SEC14L6: variants seen among roughly 807,000 people sequenced by gnomAD.
SEC14L6 encodes SEC14-like protein 6.
SEC14L6 carries 40 observed loss-of-function variants against 54.1 expected under a neutral mutation model. That is an observed-to-expected ratio of 0.74 (90% CI 0.57 to 0.96). The LOEUF (loss-of-function observed/expected upper bound fraction) is 0.96, where lower values mean the gene tolerates loss of function less well. Among genes scored for constraint, SEC14L6 ranks in the 40% least tolerant of loss-of-function variants. SEC14L6 has a pLI of 0.00. For missense variants in SEC14L6, 471 were observed against 498.3 expected, an observed-to-expected ratio of 0.95 and a Z score of 0.52; for synonymous variants, 171 against 198.4, an observed-to-expected ratio of 0.86 and a Z score of 1.16.
intron 1 of SEC14L6, among the ~76,000 whole-genome samples, chr22:30,545,723 A>G (rs2085791945): frequency 6.6e-6 from 1 of 152,190 alleles, no homozygotes; most frequent in Non-Finnish European, 1.5e-5. Context: ...ACTGCACCAG[A>G]CCAGTTGTTT....
rs1183838489 is a variant in SEC14L6, at chr22:30,532,428, G to C, written c.423+97C>G. 3.9e-5 allele frequency: 53 copies of C among 1,355,290 alleles called. No individual in the cohort carries two copies. In the East Asian group the frequency reaches 1.3e-3, roughly 33 times the overall value. 84.0% of individuals were successfully genotyped at this position (1,355,290 alleles called of 1,614,324 possible). On this transcript the variant is annotated intron_variant, in intron 5 of 11. Coordinates refer to ENST00000402034, the MANE Select transcript of SEC14L6 (RefSeq NM_001193336.4). The stretch of plus-strand genomic sequence containing the variant: ...ACTCCACAGTACCAGGAGGAGCCGA[G>C]GAGCCCAGGAGCCCAGGAAGGCAGA...
intron 1 of SEC14L6, among the ~76,000 whole-genome samples, chr22:30,546,362 A>G (rs1198424254): frequency 3.3e-5 from 5 of 149,664 alleles, no homozygotes; most frequent in Non-Finnish European, 7.4e-5. Context: ...CAACCTGGGC[A>G]ACAAGAGCGA....
intron 1 of SEC14L6, among the ~76,000 whole-genome samples, chr22:30,545,802 G>T (rs1038016466): frequency 2.0e-5 from 3 of 151,206 alleles, no homozygotes; most frequent in Non-Finnish European, 3.0e-5. Flanking sequence ...TTCTTTTTAG[G>T]TTTTTTTTGT....
rs1936762815 is a variant in SEC14L6, at chr22:30,525,900, T to G, written c.697A>C (p.Ser233Arg). 6.2e-7 allele frequency: 1 copy of G among 1,612,496 alleles called. No homozygotes were observed. The highest frequency in any genetic ancestry group is 2.2e-5 in the East Asian group (1 of 44,870). ...NWKQELTKFI[S>R]PDQLPVEFGG... ...AACTCCACGGGCAGCTGGTCGGGGC[T>G]GATGAATTTTGTCAGCTCCTGCTTC... The change falls in exon 9 of 12, where the codon AGC becomes CGC. Residue 233 changes from serine to arginine, a missense_variant. Transcript: ENST00000402034.
intron 8 of SEC14L6, among the ~76,000 whole-genome samples, chr22:30,526,337 C>T (rs771363299): frequency 6.6e-6 from 1 of 152,234 alleles, no homozygotes; most frequent in Non-Finnish European, 1.5e-5. Flanking sequence ...TGGTCAGATA[C>T]TGCCCTCAGC....
rs550489218 is a variant in SEC14L6, at chr22:30,544,209, G to T, written c.54+2420C>A. The T allele has an allele frequency of 1.5e-5, 10 of 648,406 alleles. No individual in the cohort carries two copies. The African/African-American group carries it at 1.8e-4, about 12-fold the overall frequency. 40.2% of individuals were successfully genotyped at this position (648,406 alleles called of 1,614,324 possible). ...GGCGGTGCAGGCTCTGGGACCCAGG[G>T]GCCAGGGTGGCTCTTCTCTCCCCAC... On this transcript the variant is annotated intron_variant, in intron 1 of 11. Transcript: ENST00000402034.
intron 6 of SEC14L6, among the ~76,000 whole-genome samples, 156 bp from the exon 7 acceptor site, chr22:30,529,505 G>C (rs7287003): frequency 0.18 from 26,878 of 152,126 alleles, 2,821 homozygotes; most frequent in Admixed American, 0.25. Flanking sequence ...CAGACACCAA[G>C]AACCCACCCA....
At chr22:30,542,604 C>G in intron 1 of SEC14L6, 1 of 1,515,064 alleles carries the variant, frequency 6.6e-7, no homozygotes, top group Non-Finnish European at 8.8e-7. Context: ...CCGGCCGCCT[C>G]GGGCCGCTGC....
rs1037554626 is a variant in SEC14L6, at chr22:30,524,430, CA to C, written c.*566del. ...TCACTCTGTCACCCAGACTGGAGTG[CA>C]GTGGCATGATTTCGGCTCACTGCAA... is the stretch of plus-strand genomic sequence containing the variant. On this transcript the variant is annotated 3_prime_UTR_variant, in exon 12 of 12. Transcript: ENST00000402034. 2.6e-5 allele frequency: 4 copies of C among 152,208 alleles called. No individual in the cohort carries two copies. Among genetic ancestry groups the C allele is most frequent in the African/African-American group, 9.7e-5 (4 of 41,378 alleles). The allele number at this position is 152,208 out of a possible 1,614,324, so 9.4% of individuals were successfully genotyped here.
rs113980496 is a variant in SEC14L6 at position 30,529,202 on chromosome 22, C to CG, written c.581-33dup. 8.4e-5 allele frequency: 130 copies of CG among 1,549,582 alleles called. 2 individuals are homozygous for CG. In the Middle Eastern group the frequency reaches 1.5e-3, roughly 18 times the overall value. ...CCAGGCACAGAACTGCTCCCTCAGG[C>CG]GGCTGGCTGGGGTCTCAGGTGCCCA... is the stretch of plus-strand genomic sequence containing the variant. On this transcript the variant is annotated intron_variant, in intron 7 of 11. Coordinates refer to ENST00000402034, the MANE Select transcript of SEC14L6 (RefSeq NM_001193336.4).
rs1936714153 is a variant in SEC14L6, at chr22:30,524,970, G to C, written c.*27C>G. On this transcript the variant is annotated 3_prime_UTR_variant, in exon 12 of 12. Transcript: ENST00000402034. ...TCATTGTGGATTCAGAGATCAAAGA[G>C]GAGGGTGTGGGGACCATGAGGTTCA... The C allele has an allele frequency of 1.8e-6, 2 of 1,137,924 alleles. No homozygotes were observed. The highest frequency in any genetic ancestry group is 1.3e-6 in the Non-Finnish European group (1 of 770,290). The allele number at this position is 1,137,924 out of a possible 1,614,324, so 70.5% of individuals were successfully genotyped here.
chr22:30,536,210 A>G lies in SEC14L6; in HGVS notation c.131-2171T>C, dbSNP rs534100491. Among the ~76,000 whole-genome samples, 13 of 152,282 alleles carry G rather than the reference A, an allele frequency of 8.5e-5. No homozygotes were observed. In the South Asian group the frequency reaches 2.7e-3, roughly 32 times the overall value. On this transcript the variant is annotated intron_variant, in intron 2 of 11. Transcript: ENST00000402034. Reference sequence around the variant, plus strand: ...ACACCAGGCTCAGAGGCAAGTTGCCATCACAGGTTTTACAAAGGCTATTCA... The same window carrying G: ...ACACCAGGCTCAGAGGCAAGTTGCCGTCACAGGTTTTACAAAGGCTATTCA...
chr22:30,525,162 TC>T (rs1568960392), intron 11 of SEC14L6, 53 bp from the exon 12 acceptor site: 9 of 1,292,256 alleles, frequency 7.0e-6, no homozygotes, highest in Admixed American at 2.0e-5. Context: ...GACTCTGACT[TC>T]CATGGTGGTA....
At position 30,538,805 on chromosome 22, in the gene SEC14L6, C is replaced by T. The variant is rs770566023; in HGVS notation, c.130+22G>A. 5 of 1,527,742 alleles carry T rather than the reference C, an allele frequency of 3.3e-6. No individual in the cohort carries two copies. In the South Asian group the frequency reaches 6.0e-5, roughly 18 times the overall value. The allele number at this position is 1,527,742 out of a possible 1,614,324, so 94.6% of individuals were successfully genotyped here. A position where few individuals can be genotyped will look rare whatever the true frequency, so the allele number is the denominator to read the frequency against. On this transcript the variant is annotated intron_variant, in intron 2 of 11. Transcript: ENST00000402034. ...CTCTTTCATGCCATTGACCCTACCC[C>T]AGCCCCACGCTCTATCCTTACCTTG...
chr22:30,531,937 TC>T lies in SEC14L6; in HGVS notation c.484del (p.Asp162IlefsTer7). On this transcript the variant is annotated frameshift_variant, in exon 6 of 12. Transcript: ENST00000402034. LOFTEE classifies it high-confidence loss of function. ...IFGLEGLGLR[D>X]LWKPGIELLQ... ...AAGCTCTATTCCTGGCTTCCACAGA[TC>T]CCTCAGGCCCAGCCCTTCGAGACCA... The T allele has an allele frequency of 6.4e-7, 1 of 1,550,726 alleles. No individual in the cohort carries two copies. Among genetic ancestry groups the T allele is most frequent in the Non-Finnish European group, 8.7e-7 (1 of 1,147,006 alleles).
In SEC14L6 at chr22:30,543,915, CCA is replaced by C; in HGVS notation, c.54+2712_54+2713del. ...CTCCCCGGGCCGCGGAGCCCAACAA[CCA>C]CACAGAGTATGCCAGCATTCAGACC... On this transcript the variant is annotated intron_variant, in intron 1 of 11. Coordinates refer to ENST00000402034, the MANE Select transcript of SEC14L6 (RefSeq NM_001193336.4). 4 of 1,604,690 alleles carry C rather than the reference CCA, an allele frequency of 2.5e-6. No homozygotes were observed. In the South Asian group the frequency reaches 4.4e-5, roughly 18 times the overall value.
intron 6 of SEC14L6, among the ~76,000 whole-genome samples, chr22:30,529,592 T>G (rs1387656637): frequency 6.6e-6 from 1 of 152,130 alleles, no homozygotes; most frequent in East Asian, 1.9e-4. Context: ...TGCAGATTCT[T>G]TTTATTATTA....
At chr22:30,546,327 G>A (rs942095842) in intron 1 of SEC14L6, among the ~76,000 whole-genome samples, 3 of 143,508 alleles carry the variant, frequency 2.1e-5, no homozygotes, top group Non-Finnish European at 3.0e-5. Context: ...AAGTTGCAGT[G>A]AGCCAAGATT....
rs766572539 is a variant in SEC14L6 at position 30,523,546 on chromosome 22, C to A, written c.*1451G>T. 6.6e-6 allele frequency: 1 copy of A among 152,072 alleles called. No homozygotes were observed. The highest frequency in any genetic ancestry group is 1.9e-4 in the East Asian group (1 of 5,194). The allele number at this position is 152,072 out of a possible 1,614,324, so 9.4% of individuals were successfully genotyped here. A position where few individuals can be genotyped will look rare whatever the true frequency, so the allele number is the denominator to read the frequency against. ...CTAATTTGTGTATGTTTCGTAGAGA[C>A]GGGGTTTCGCCATGTTGTCCAGGCT... is the stretch of plus-strand genomic sequence containing the variant. On this transcript the variant is annotated 3_prime_UTR_variant, in exon 12 of 12. Coordinates refer to ENST00000402034, the MANE Select transcript of SEC14L6 (RefSeq NM_001193336.4).
Sources: gnomAD v4.1 joint callset for allele counts (sites outside exome capture counted in the v4.1 genomes callset) on GRCh38, gnomAD v4.1.1 for gene constraint, MANE v1.5 for transcripts, NCBI Gene and HGNC (gene_info 2026-07-23, HGNC 2026-07-21) for gene names.